Variants in FILIP1 observed in about 807,000 individuals in gnomAD.
The protein encoded by FILIP1 is filamin-A-interacting protein 1.
FILIP1 carries 61 observed loss-of-function variants against 102.1 expected under a neutral mutation model. The ratio of observed to expected loss-of-function variants is 0.60; its 90% CI spans 0.49 to 0.74. The LOEUF (loss-of-function observed/expected upper bound fraction) is 0.74, where lower values mean the gene tolerates loss of function less well. FILIP1 is among the 30% of genes least tolerant of loss of function. The probability of loss-of-function intolerance (pLI) is 0.00; values close to 1 mark genes in which losing one functional copy is unlikely to be tolerated. For synonymous variants in FILIP1, 491 were observed against 526.9 expected (o/e 0.93, Z 0.93); for missense variants, 1,314 against 1,441.2 (o/e 0.91, Z 1.43).
intron 1 of FILIP1, among the ~76,000 whole-genome samples, chr6:75,470,630 A>T (rs1246923651): frequency 6.6e-6 from 1 of 152,226 alleles, no homozygotes; most frequent in Non-Finnish European, 1.5e-5. Flanking sequence ...ATAAAAGTGG[A>T]ACTTCAAATC....
At chr6:75,342,644 G>A (rs1426247069) in intron 4 of FILIP1, among the ~76,000 whole-genome samples, 2 of 152,168 alleles carry the variant, frequency 1.3e-5, no homozygotes, top group African/African-American at 4.8e-5. Context: ...CCATTAGGAA[G>A]GTGGATGAGA....
At chr6:75,481,704 C>T (rs954122331) in intron 1 of FILIP1, among the ~76,000 whole-genome samples, 1 of 152,170 alleles carries the variant, frequency 6.6e-6, no homozygotes, top group Admixed American at 6.5e-5. Flanking sequence ...TCAATCCAAC[C>T]CCTCTTTTAG....
chr6:75,306,267 T>A (rs1772982780), downstream of FILIP1, among the ~76,000 whole-genome samples: 1 of 152,186 alleles, frequency 6.6e-6, no homozygotes, highest in African/African-American at 2.4e-5. Flanking sequence ...TGTATAAACA[T>A]CCTGTACACG....
chr6:75,446,133 ATAGT>A (rs1166182067), intron 1 of FILIP1, among the ~76,000 whole-genome samples: 1 of 152,142 alleles, frequency 6.6e-6, no homozygotes, highest in East Asian at 1.9e-4. Flanking sequence ...AGCTATTGCT[ATAGT>A]TAGATTCTCC....
intron 5 of FILIP1, among the ~76,000 whole-genome samples, chr6:75,311,098 C>G (rs1323077513): frequency 1.3e-5 from 2 of 152,118 alleles, no homozygotes; most frequent in East Asian, 1.9e-4. Context: ...AGTACAAGCT[C>G]TTCTATAATT....
intron 2 of FILIP1, among the ~76,000 whole-genome samples, chr6:75,372,684 A>G (rs1775581348): frequency 9.6e-5 from 3 of 31,390 alleles, no homozygotes; most frequent in African/African-American, 6.1e-4. Flanking sequence ...AAAGAAAGAA[A>G]GAGAAAGAAA....
At chr6:75,464,175 A>T (rs557047757) in intron 1 of FILIP1, among the ~76,000 whole-genome samples, 1 of 152,314 alleles carries the variant, frequency 6.6e-6, no homozygotes, top group Non-Finnish European at 1.5e-5. Flanking sequence ...TTATAGACTC[A>T]GGCCTAATAC....
intron 2 of FILIP1, among the ~76,000 whole-genome samples, chr6:75,372,736 AAG>A (rs1562515679): frequency 3.2e-4 from 11 of 33,978 alleles, no homozygotes; most frequent in Middle Eastern, 0.016. Context: ...AAGAGAAAGA[AAG>A]AAAGAAAGAA....
At chr6:75,401,016 T>TA (rs201461048) in intron 2 of FILIP1, among the ~76,000 whole-genome samples, 29 of 149,198 alleles carry the variant, frequency 1.9e-4, no homozygotes, top group African/African-American at 3.7e-4. Flanking sequence ...GTGTCCTTTT[T>TA]AAAAAAAAAA....
At position 75,314,190 on chromosome 6, in the gene FILIP1, T is replaced by G. The variant is rs1773335388; in HGVS notation, c.1642A>C (p.Ile548Leu). 2 of 1,554,870 alleles carry G rather than the reference T, an allele frequency of 1.3e-6. No individual in the cohort carries two copies. The highest frequency in any genetic ancestry group is 2.8e-5 in the African/African-American group (2 of 70,972). Residue 548 changes from isoleucine (I) to leucine (L), a missense_variant, in exon 5 of 6, where the codon ATT (isoleucine) becomes CTT (leucine). Transcript: ENST00000237172. Reference protein sequence around the residue: ...GKVMDVTEKLIEESKKLLKLK... With the variant: ...GKVMDVTEKLLEESKKLLKLK... ...TTTAAAAGTTTCTTACTTTCTTCAA[T>G]TAGTTTTTCAGTTACATCCATAACT...
At chr6:75,463,226 A>AC (rs1052841122) in intron 1 of FILIP1, among the ~76,000 whole-genome samples, 1 of 151,900 alleles carries the variant, frequency 6.6e-6, no homozygotes, top group Non-Finnish European at 1.5e-5. Flanking sequence ...TGTGCCCCAT[A>AC]CCCCCCTTTC....
intron 1 of FILIP1, among the ~76,000 whole-genome samples, chr6:75,423,599 A>G (rs2149698862): frequency 6.6e-6 from 1 of 152,240 alleles, no homozygotes; most frequent in South Asian, 2.1e-4. Flanking sequence ...TGCACTGAAA[A>G]CTGTAATGCC....
chr6:75,379,348 T>C (rs376117492), intron 2 of FILIP1, among the ~76,000 whole-genome samples: 2 of 152,208 alleles, frequency 1.3e-5, no homozygotes, highest in African/African-American at 2.4e-5. Context: ...CTTTTGCATA[T>C]AGAAATAGGC....
chr6:75,345,574 G>T lies in FILIP1; in HGVS notation c.629+7965C>A, dbSNP rs6941366. On this transcript the variant is annotated intron_variant, in intron 4 of 5. Coordinates refer to ENST00000237172, the MANE Select transcript of FILIP1 (RefSeq NM_015687.5). ...GTGCCGGCCAAGTGGAAAACCATTT[G>T]CATAATAAGATTAGGTGGGGTGACC... Among the ~76,000 whole-genome samples, 1,097 of 152,196 alleles carry T rather than the reference G, an allele frequency of 7.2e-3. 11 individuals are homozygous for T. Among genetic ancestry groups the T allele is most frequent in the African/African-American group, 0.025 (1,057 of 41,520 alleles).
chr6:75,308,544 A>G lies in FILIP1; in HGVS notation c.*147T>C. 1 of 1,465,662 alleles carries G rather than the reference A, an allele frequency of 6.8e-7. No homozygotes were observed. The highest frequency in any genetic ancestry group is 9.0e-7 in the Non-Finnish European group (1 of 1,113,118). 90.8% of individuals were successfully genotyped at this position (1,465,662 alleles called of 1,614,324 possible). On this transcript the variant is annotated 3_prime_UTR_variant, in exon 6 of 6. Coordinates refer to ENST00000237172, the MANE Select transcript of FILIP1 (RefSeq NM_015687.5). ...CATCAAAACAAATGCACAAAATGGGAAAGACAAATGGTTATTAGTTGGTTA... is the reference window on the plus strand; with the variant it reads ...CATCAAAACAAATGCACAAAATGGGGAAGACAAATGGTTATTAGTTGGTTA...
intron 3 of FILIP1, among the ~76,000 whole-genome samples, chr6:75,356,471 CT>C (rs111902501): frequency 0.014 from 2,066 of 142,660 alleles, 32 homozygotes; most frequent in African/African-American, 0.039. Flanking sequence ...TTTTTGTAGT[CT>C]TTTTTTTTTT....
chr6:75,442,388 G>T (rs940897593), intron 1 of FILIP1, among the ~76,000 whole-genome samples: 1 of 152,214 alleles, frequency 6.6e-6, no homozygotes, highest in African/African-American at 2.4e-5. Context: ...GGCACTTTGG[G>T]AGGCCAAGGC....
chr6:75,353,481 G>A lies in FILIP1; in HGVS notation c.629+58C>T. ...GAAAGACTGATCCCTGAAGGGACGG[G>A]CAGACATGAAAGGGCTATGGGCATC... is the stretch of plus-strand genomic sequence containing the variant. On this transcript the variant is annotated intron_variant, in intron 4 of 5. Coordinates refer to ENST00000237172, the MANE Select transcript of FILIP1 (RefSeq NM_015687.5). The A allele has an allele frequency of 3.8e-6, 6 of 1,578,788 alleles. No individual in the cohort carries two copies. In the South Asian group the frequency reaches 4.6e-5, roughly 12 times the overall value.
intron 1 of FILIP1, among the ~76,000 whole-genome samples, chr6:75,467,565 A>G (rs1238273922): frequency 6.6e-6 from 1 of 152,234 alleles, no homozygotes; most frequent in Non-Finnish European, 1.5e-5. Flanking sequence ...ACTCATTTTC[A>G]AAACATCCTC....
Sources: gnomAD v4.1 joint callset for allele counts (sites outside exome capture counted in the v4.1 genomes callset) on GRCh38, gnomAD v4.1.1 for gene constraint, MANE v1.5 for transcripts, NCBI Gene and HGNC (gene_info 2026-07-23, HGNC 2026-07-21) for gene names.